SLC18A1: variants seen among roughly 807,000 people sequenced by gnomAD.
SLC18A1 encodes solute carrier family 18 member A1, also known as chromaffin granule amine transporter.
In SLC18A1, 69 loss-of-function variants were observed where a neutral mutation model predicts 53.7. That is an observed-to-expected ratio of 1.28 (90% CI 1.06 to 1.57). The LOEUF (loss-of-function observed/expected upper bound fraction) is 1.57, where lower values mean the gene tolerates loss of function less well. Ranked by LOEUF, SLC18A1 falls within the 40% of genes most tolerant of loss-of-function variation. The probability of loss-of-function intolerance (pLI) is 0.00; values close to 1 mark genes in which losing one functional copy is unlikely to be tolerated. For missense variants in SLC18A1, 932 were observed against 668.1 expected, an observed-to-expected ratio of 1.40 and a Z score of -4.35; for synonymous variants, 320 against 248.1, an observed-to-expected ratio of 1.29 and a Z score of -2.72.
intron 10 of SLC18A1, among the ~76,000 whole-genome samples, chr8:20,162,036 A>G (rs552705948): frequency 3.6e-4 from 55 of 152,222 alleles, no homozygotes; most frequent in Admixed American, 1.6e-3. Flanking sequence ...CACCACATAG[A>G]CACCACCAAG....
In SLC18A1 at chr8:20,174,350, G is replaced by T. The variant is rs377652484; in HGVS notation, c.631+11C>A. The T allele has an allele frequency of 7.5e-6, 12 of 1,600,266 alleles. No individual in the cohort carries two copies. The African/African-American group carries it at 8.0e-5, about 11-fold the overall frequency. On this transcript the variant is annotated intron_variant, in intron 5 of 15. Transcript: ENST00000276373. The stretch of plus-strand genomic sequence containing the variant: ...TGCATGTGTGTGTGCATGATGAGTT[G>T]CCAGTGTTACCTGCAACAGATGAAA...
chr8:20,180,954 GT>G lies in SLC18A1; in HGVS notation c.10del (p.Thr4ProfsTer10), dbSNP rs1311223100. The part of the protein sequence containing the change: MLR[T>X]ILDAPQRLLK... ...CAACCGCTGGGGAGCATCCAGAATG[GT>G]CCGGAGCATGGTGATGGCCGGACTG... On this transcript the variant is annotated frameshift_variant, in exon 2 of 16. Transcript: ENST00000276373. LOFTEE classifies it high-confidence loss of function. 1 of 1,579,468 alleles carries G rather than the reference GT, an allele frequency of 6.3e-7. No individual in the cohort carries two copies. The highest frequency in any genetic ancestry group is 8.6e-7 in the Non-Finnish European group (1 of 1,163,700).
chr8:20,178,555 C>T (rs2072313637), intron 3 of SLC18A1, 62 bp from the exon 4 acceptor site: 2 of 1,252,352 alleles, frequency 1.6e-6, no homozygotes, highest in Non-Finnish European at 2.3e-6. Flanking sequence ...ACATGGACTA[C>T]ATTTTTAAAT....
chr8:20,178,326 A>G lies in SLC18A1; in HGVS notation c.547+109T>C, dbSNP rs147392612. ...TTTAAACCAATATTCCAGTCTGCTT[A>G]GTCAGATGCCTAATTACATTCTAGG... On this transcript the variant is annotated intron_variant, in intron 4 of 15. Transcript: ENST00000276373. 378 of 804,262 alleles carry G rather than the reference A, an allele frequency of 4.7e-4. No homozygotes were observed. In the African/African-American group the frequency reaches 5.9e-3, roughly 12 times the overall value. 49.8% of individuals were successfully genotyped at this position (804,262 alleles called of 1,614,324 possible).
chr8:20,157,207 C>A (rs775487019), intron 10 of SLC18A1, among the ~76,000 whole-genome samples: 1 of 152,142 alleles, frequency 6.6e-6, no homozygotes, highest in Non-Finnish European at 1.5e-5. Context: ...AGATGGGAAA[C>A]GTTTTCCCCA....
rs141032586 is a variant in SLC18A1, at chr8:20,164,742, A to T, written c.1015+127T>A. 1,455 of 683,134 alleles carry T rather than the reference A, an allele frequency of 2.1e-3. 18 individuals carry two copies. The African/African-American group carries it at 0.024, about 11-fold the overall frequency. 42.3% of individuals were successfully genotyped at this position (683,134 alleles called of 1,614,324 possible). A position where few individuals can be genotyped will look rare whatever the true frequency, so the allele number is the denominator to read the frequency against. ...CCACACACCCTCTTGGGCTTGATTC[A>T]TGGGTGTGGACGTGGGAGGTCATTC... On this transcript the variant is annotated intron_variant, in intron 10 of 15. Coordinates refer to ENST00000276373, the MANE Select transcript of SLC18A1 (RefSeq NM_003053.4).
At chr8:20,171,381 C>T (rs1348076625) in intron 7 of SLC18A1, 24 bp downstream of exon 7, 16 of 1,598,244 alleles carry the variant, frequency 1.0e-5, no homozygotes, top group African/African-American at 1.3e-5. Context: ...CTGTCACCTG[C>T]TGGAGGCTCT....
At chr8:20,170,770 T>C (rs980015977) in intron 8 of SLC18A1, among the ~76,000 whole-genome samples, 26 of 152,142 alleles carry the variant, frequency 1.7e-4, no homozygotes, top group Non-Finnish European at 3.7e-4. Context: ...CACATATATA[T>C]ATATATATGG....
At chr8:20,183,040 G>A (rs1442659822) in intron 1 of SLC18A1, 23 bp downstream of exon 1, 2 of 152,178 alleles carry the variant, frequency 1.3e-5, no homozygotes, top group Non-Finnish European at 2.9e-5. Flanking sequence ...GATTAAATTT[G>A]TCCGGAGAGA....
chr8:20,180,108 T>TTG (rs112531759), intron 2 of SLC18A1, among the ~76,000 whole-genome samples: 23,232 of 146,060 alleles, frequency 0.16, 1,884 homozygotes, highest in Admixed American at 0.24. Context: ...AAGATTATAA[T>TTG]TGTGTGTGTG....
intron 8 of SLC18A1, among the ~76,000 whole-genome samples, chr8:20,167,444 G>C (rs1298478758): frequency 6.6e-6 from 1 of 151,916 alleles, no homozygotes; most frequent in Non-Finnish European, 1.5e-5. Context: ...TACTTTGAAA[G>C]AAGAATACAT....
At position 20,181,015 on chromosome 8, in the gene SLC18A1, C is replaced by G; in HGVS notation, c.-51G>C. The G allele has an allele frequency of 6.5e-7, 1 of 1,538,712 alleles. No homozygotes were observed. The highest frequency in any genetic ancestry group is 8.8e-7 in the Non-Finnish European group (1 of 1,139,656). On this transcript the variant is annotated 5_prime_UTR_variant, in exon 2 of 16. Transcript: ENST00000276373. ...TCCCCTGCGGGCTCTTAGGGAAGGT[C>G]CTGTGACAGCTACAGGTCTCCTGCA...
chr8:20,154,931 G>T (rs745546643), intron 10 of SLC18A1, among the ~76,000 whole-genome samples: 8 of 152,102 alleles, frequency 5.3e-5, no homozygotes, highest in Non-Finnish European at 1.0e-4. Context: ...ATCCAGCAAG[G>T]CACCCATTGC....
At position 20,150,719 on chromosome 8, in the gene SLC18A1, C is replaced by A. The variant is rs762391103; in HGVS notation, c.1041G>T (p.Val347=). 2 of 1,614,152 alleles carry A rather than the reference C, an allele frequency of 1.2e-6. No homozygotes were observed. The highest frequency in any genetic ancestry group is 1.3e-5 in the African/African-American group (1 of 75,044). ...QLGLAFLPAS[V]SYLIGTNLFG... is the part of the protein sequence containing the mutation. ...AGAGGTTGGTGCCAATGAGGTAGGA[C>A]ACACTGGCAGGCAAGAAAGCTAGAC... The change falls in exon 11 of 16, where the codon GTG becomes GTT. Residue 347 remains valine (V), a synonymous_variant. Transcript: ENST00000276373.
intron 13 of SLC18A1, 136 bp from the exon 14 acceptor site, chr8:20,147,858 C>G: frequency 6.9e-7 from 1 of 1,452,396 alleles, no homozygotes; most frequent in Non-Finnish European, 9.4e-7. Context: ...GTGGGAATTA[C>G]GAGCTCATCT....
At position 20,165,001 on chromosome 8, in the gene SLC18A1, G is replaced by C. The variant is rs1235388761; in HGVS notation, c.920-37C>G. ...GTTCTGTGAGCAGCCGTGGCTGCTT[G>C]AAGCCCAGACACTCCCCGCCCAATG... On this transcript the variant is annotated intron_variant, in intron 9 of 15. Transcript: ENST00000276373. The C allele has an allele frequency of 3.1e-6, 5 of 1,612,902 alleles. No individual in the cohort carries two copies. In the Admixed American group the frequency reaches 8.3e-5, roughly 27 times the overall value.
At chr8:20,156,632 A>G (rs750331616) in intron 10 of SLC18A1, among the ~76,000 whole-genome samples, 1 of 152,224 alleles carries the variant, frequency 6.6e-6, no homozygotes, top group Non-Finnish European at 1.5e-5. Flanking sequence ...CAGTAAGCCC[A>G]TCTTTTTCTC....
chr8:20,145,882 G>T lies in SLC18A1; in HGVS notation c.1465-6C>A. On this transcript the variant is annotated splice_region_variant and splice_polypyrimidine_tract_variant and intron_variant, in intron 15 of 15. Coordinates refer to ENST00000276373, the MANE Select transcript of SLC18A1 (RefSeq NM_003053.4). ...CAGTCCTGACTCAGAATAGCCTGCAGAGAGAGGCAAGAAGAGAAGCCACTG... is the reference window on the plus strand; with the variant it reads ...CAGTCCTGACTCAGAATAGCCTGCATAGAGAGGCAAGAAGAGAAGCCACTG... 3 of 1,549,982 alleles carry T rather than the reference G, an allele frequency of 1.9e-6. No individual in the cohort carries two copies. Among genetic ancestry groups the T allele is most frequent in the Non-Finnish European group, 2.6e-6 (3 of 1,134,470 alleles).
rs775098928 is a variant in SLC18A1, at chr8:20,147,245, C to T, written c.1464+13G>A. On this transcript the variant is annotated intron_variant, in intron 15 of 15. Transcript: ENST00000276373. ...AGAAGTGAATTTCTCTTTTAACAGT[C>T]GGTGCTCCTTACAAGCTTCTCTTCC... 6.9e-6 allele frequency: 11 copies of T among 1,584,780 alleles called. No individual in the cohort carries two copies. The highest frequency in any genetic ancestry group is 5.8e-5 in the Admixed American group (3 of 52,164).
Sources: allele counts gnomAD v4.1 joint callset (sites outside exome capture counted in the v4.1 genomes callset), GRCh38; gene constraint gnomAD v4.1.1; transcripts MANE v1.5; gene names NCBI Gene and HGNC (gene_info 2026-07-23, HGNC 2026-07-21).